Variants in RHBDF1 observed in about 807,000 individuals in gnomAD.
The protein encoded by RHBDF1 is inactive rhomboid protein 1.
Under a neutral mutation model 98.6 loss-of-function variants are expected in RHBDF1, and 80 were observed. The ratio of observed to expected loss-of-function variants is 0.81; its 90% CI spans 0.68 to 0.98. The LOEUF (loss-of-function observed/expected upper bound fraction) is 0.98. RHBDF1 is among the 50% of genes least tolerant of loss of function. The pLI is 0.00. For synonymous variants in RHBDF1, 512 were observed against 486.8 expected, an observed-to-expected ratio of 1.05 and a Z score of -0.68; for missense variants, 1,116 against 1,198.3, an observed-to-expected ratio of 0.93 and a Z score of 1.01.
intron 3 of RHBDF1, chr16:64,176 C>T: frequency 9.1e-7 from 1 of 1,093,176 alleles, no homozygotes; most frequent in Non-Finnish European, 1.3e-6. Flanking sequence ...CGGGCCCAGG[C>T]AGGCTGTCCA....
At position 64,843 on chromosome 16, in the gene RHBDF1, T is replaced by C. The variant is rs1430309214; in HGVS notation, c.118-14A>G. ...TCGCCTCAGGGGCTGGGCAACAGGG[T>C]CATGGTGAGGGTACTGGACAGGGGG... On this transcript the variant is annotated splice_polypyrimidine_tract_variant and intron_variant, in intron 2 of 17. Coordinates refer to ENST00000262316, the MANE Select transcript of RHBDF1 (RefSeq NM_022450.5). The C allele has an allele frequency of 6.2e-7, 1 of 1,613,652 alleles. No individual in the cohort carries two copies. The highest frequency in any genetic ancestry group is 8.5e-7 in the Non-Finnish European group (1 of 1,179,960).
At chr16:70,484 C>A (rs1897942788) in intron 1 of RHBDF1, among the ~76,000 whole-genome samples, 1 of 152,212 alleles carries the variant, frequency 6.6e-6, no homozygotes, top group Non-Finnish European at 1.5e-5. Context: ...CAGGACCCAC[C>A]AGAAGCAGGA....
chr16:58,905 G>A (rs1432529873), intron 17 of RHBDF1, 69 bp downstream of exon 17: 28 of 1,584,726 alleles, frequency 1.8e-5, no homozygotes, highest in African/African-American at 2.7e-5. Context: ...CTCAGTGCTC[G>A]ATATGGACAG....
chr16:70,402 C>T (rs1402486662), intron 1 of RHBDF1, among the ~76,000 whole-genome samples: 1 of 152,190 alleles, frequency 6.6e-6, no homozygotes, highest in Non-Finnish European at 1.5e-5. Flanking sequence ...CAGAGGTGTC[C>T]CTGACTGACC....
At position 58,335 on chromosome 16, in the gene RHBDF1, C is replaced by T; in HGVS notation, c.*5G>A. The stretch of plus-strand genomic sequence containing the variant: ...AGCACACGGCCGCTGGAGCCCGCAG[C>T]CAGCTCAGTGGAGCTGAGCGTCCAG... On this transcript the variant is annotated 3_prime_UTR_variant, in exon 18 of 18. Coordinates refer to ENST00000262316, the MANE Select transcript of RHBDF1 (RefSeq NM_022450.5). 6.2e-7 allele frequency: 1 copy of T among 1,606,180 alleles called. No homozygotes were observed. Among genetic ancestry groups the T allele is most frequent in the Non-Finnish European group, 8.5e-7 (1 of 1,175,490 alleles).
Position 59,902 on chromosome 16 carries a change from G to A in RHBDF1, c.1723-76C>T. On this transcript the variant is annotated intron_variant, in intron 13 of 17. Transcript: ENST00000262316. ...CCCCACACCACGTTTGGGGGTAGAG[G>A]CAAAGATGGGTGGGCTCATAAAGCA... 2.5e-6 allele frequency: 4 copies of A among 1,603,072 alleles called. No individual in the cohort carries two copies. In the East Asian group the frequency reaches 9.0e-5, roughly 36 times the overall value.
chr16:64,458 C>G (rs1177921434), intron 3 of RHBDF1: 2 of 1,493,984 alleles, frequency 1.3e-6, no homozygotes, highest in South Asian at 2.4e-5. Context: ...GCAAGAGCAT[C>G]CGGGCGGTGG....
rs1323208409 is a variant in RHBDF1, at chr16:58,650, G to A, written c.2258C>T (p.Ala753Val). The A allele has an allele frequency of 6.2e-7, 1 of 1,613,412 alleles. No individual in the cohort carries two copies. Among genetic ancestry groups the A allele is most frequent in the Non-Finnish European group, 8.5e-7 (1 of 1,180,030 alleles). Residue 753 changes from alanine to valine, a missense_variant, in exon 18 of 18, where the codon GCT becomes GTT. By Grantham distance (64) the Ala-to-Val change is moderately conservative (BLOSUM62 0). Transcript: ENST00000262316. ...AAAGGTGAAGAGGAAGAGCACCACA[G>A]CCAGCAGCTTGAAGAAGGCACGCCA... ...RPWRAFFKLLAVVLFLFTFGL... is the reference protein window; with the variant it reads ...RPWRAFFKLLVVVLFLFTFGL...
At chr16:69,619 C>G (rs1248904153) in intron 1 of RHBDF1, among the ~76,000 whole-genome samples, 1 of 152,118 alleles carries the variant, frequency 6.6e-6, no homozygotes, top group Non-Finnish European at 1.5e-5. Context: ...GGCAGCCCAG[C>G]CTCCAGGTCT....
intron 1 of RHBDF1, among the ~76,000 whole-genome samples, chr16:70,154 G>T (rs1460054912): frequency 6.6e-6 from 1 of 152,200 alleles, no homozygotes; most frequent in Non-Finnish European, 1.5e-5. Flanking sequence ...GCAGCTCAGG[G>T]CACCTGTCCA....
chr16:61,365 G>GC lies in RHBDF1; in HGVS notation c.1395+19dup. The stretch of plus-strand genomic sequence containing the variant: ...TCCAGGTCCCGCCCCCGCCGGCCCC[G>GC]CCCCCAGCCCCGTCCTCACCGAGCT... On this transcript the variant is annotated intron_variant, in intron 10 of 17. Coordinates refer to ENST00000262316, the MANE Select transcript of RHBDF1 (RefSeq NM_022450.5). 2 of 1,130,830 alleles carry GC rather than the reference G, an allele frequency of 1.8e-6. No homozygotes were observed. Among genetic ancestry groups the GC allele is most frequent in the African/African-American group, 1.6e-5 (1 of 62,710 alleles). The allele number at this position is 1,130,830 out of a possible 1,614,324, so 70.0% of individuals were successfully genotyped here. A position where few individuals can be genotyped will look rare whatever the true frequency, so the allele number is the denominator to read the frequency against.
chr16:60,173 A>C (rs778440785), intron 13 of RHBDF1, 43 bp downstream of exon 13: 2 of 1,613,508 alleles, frequency 1.2e-6, no homozygotes, highest in Non-Finnish European at 1.7e-6. Flanking sequence ...TCTCTCCCAC[A>C]TGACACGGAG....
chr16:60,474 C>G lies in RHBDF1; in HGVS notation c.1623G>C (p.Lys541Asn). The change falls in exon 12 of 18, where the codon AAG (lysine) becomes AAC (asparagine). Residue 541 changes from lysine to asparagine, a missense_variant. Physicochemically the swap from Lys to Asn is moderately conservative, Grantham distance 94. Transcript: ENST00000262316. The part of the protein sequence containing the change: ...HPSAPELAGH[K>N]RQFGSVCHQD... ...GGTGGCAGACAGAGCCAAACTGTCT[C>G]TTGTGGCCCGCAAGCTCTGGGGCGC... 1 of 1,612,234 alleles carries G rather than the reference C, an allele frequency of 6.2e-7. No individual in the cohort carries two copies. Among genetic ancestry groups the G allele is most frequent in the Non-Finnish European group, 8.5e-7 (1 of 1,180,014 alleles).
chr16:63,091 C>A lies in RHBDF1; in HGVS notation c.554G>T (p.Gly185Val). ...LSAPHTPVTPGAASLCSFSSS... is the reference protein window; with the variant it reads ...LSAPHTPVTPVAASLCSFSSS... ...GGAGAAGGAGCAGAGGGAGGCAGCA[C>A]CCGGCGTGACGGGAGTGTGTGGGGC... The change falls in exon 5 of 18, where the codon GGT becomes GTT. Residue 185 changes from glycine (G) to valine (V), a missense_variant. By Grantham distance (109) the Gly-to-Val change is moderately radical (BLOSUM62 -3). Coordinates refer to ENST00000262316, the MANE Select transcript of RHBDF1 (RefSeq NM_022450.5). The A allele has an allele frequency of 6.2e-7, 1 of 1,610,758 alleles. No individual in the cohort carries two copies. The highest frequency in any genetic ancestry group is 8.5e-7 in the Non-Finnish European group (1 of 1,178,992).
rs766260893 is a variant in RHBDF1 at position 65,011 on chromosome 16, C to T, written c.5G>A (p.Ser2Asn). ...GCTCGTGCTGTCCCTGCGGGCCTCA[C>T]TCATGGTTCCTGGCAGAGCAAGGCA... M[S>N]EARRDSTSSL... Residue 2 changes from serine (S) to asparagine (N), a missense_variant, in exon 2 of 18, where the codon AGT becomes AAT. Transcript: ENST00000262316. The T allele has an allele frequency of 5.3e-6, 8 of 1,518,304 alleles. No individual in the cohort carries two copies. In the Admixed American group the frequency reaches 1.3e-4, roughly 24 times the overall value. The allele number at this position is 1,518,304 out of a possible 1,614,324, so 94.1% of individuals were successfully genotyped here.
chr16:71,887 G>T (rs1369097461), intron 1 of RHBDF1, among the ~76,000 whole-genome samples: 1 of 152,256 alleles, frequency 6.6e-6, no homozygotes. Flanking sequence ...CGCACAGAGT[G>T]AGAGTCTGTC....
Position 59,482 on chromosome 16 carries a change from G to A in RHBDF1, c.1830C>T (p.Thr610=), listed in dbSNP as rs1369190102. The change falls in exon 15 of 18, where the codon ACC becomes ACT. Residue 610 remains threonine (T), a synonymous_variant. Transcript: ENST00000262316. ...CIGTKGRCEI[T]SREYCDFMRG... Reference sequence around the variant, plus strand: ...TCATGAAGTCACAGTACTCCCGGGAGGTGATCTCACACCTAGAAAGGCAGG... The same window carrying A: ...TCATGAAGTCACAGTACTCCCGGGAAGTGATCTCACACCTAGAAAGGCAGG... The A allele has an allele frequency of 1.2e-6, 2 of 1,613,326 alleles. No individual in the cohort carries two copies. Among genetic ancestry groups the A allele is most frequent in the Non-Finnish European group, 1.7e-6 (2 of 1,179,940 alleles).
At chr16:64,537 A>G (rs2562147) in intron 3 of RHBDF1, 162 bp downstream of exon 3, 1,141,950 of 1,543,832 alleles carry the variant, frequency 0.74, 423,579 homozygotes, top group Admixed American at 0.82. Flanking sequence ...GAGAGCGGTC[A>G]GTATCCAGAA....
At chr16:64,462 G>A (rs1897767154) in intron 3 of RHBDF1, 5 of 1,500,464 alleles carry the variant, frequency 3.3e-6, no homozygotes, top group Non-Finnish European at 4.5e-6. Context: ...GAGCATCCGG[G>A]CGGTGGAGAC....
Sources: allele counts gnomAD v4.1 joint callset (sites outside exome capture counted in the v4.1 genomes callset), GRCh38; gene constraint gnomAD v4.1.1; transcripts MANE v1.5; gene names NCBI Gene and HGNC (gene_info 2026-07-23, HGNC 2026-07-21).